The following ROBO1 variants were observed in gnomAD, a reference collection of about 807,000 sequenced individuals.
The protein encoded by ROBO1 is roundabout guidance receptor 1.
A neutral mutation model predicts 195.9 loss-of-function variants in ROBO1; 149 were observed. The ratio of observed to expected loss-of-function variants is 0.76; its 90% CI spans 0.67 to 0.87. ROBO1 has a LOEUF of 0.87. Ranked by LOEUF, ROBO1 falls within the 40% of genes least tolerant of loss-of-function variation. The pLI is 0.00. For missense variants in ROBO1, 1,933 were observed against 2,068.3 expected (o/e 0.93, Z 1.27); for synonymous variants, 816 against 733.2 (o/e 1.11, Z -1.82).
At position 79,287,593 on chromosome 3, in the gene ROBO1, C is replaced by T. The variant is rs534947044; in HGVS notation, c.89-162054G>A. 3.3e-5 allele frequency among the ~76,000 whole-genome samples: 5 copies of T among 152,228 alleles called. No individual in the cohort carries two copies. In the South Asian group the frequency reaches 1.0e-3, roughly 32 times the overall value. On this transcript the variant is annotated intron_variant, in intron 2 of 30. Transcript: ENST00000464233. Reference sequence around the variant, plus strand: ...TATCCCCATCTTCCAGATGGTTCCTCTTCTGTGAATATGATGATGGTGACA... The same window carrying T: ...TATCCCCATCTTCCAGATGGTTCCTTTTCTGTGAATATGATGATGGTGACA...
chr3:79,279,933 A>G (rs944677130), intron 2 of ROBO1, among the ~76,000 whole-genome samples: 5 of 152,248 alleles, frequency 3.3e-5, no homozygotes, highest in African/African-American at 1.2e-4. Context: ...GAATGAAATA[A>G]TATAATTCAT....
At chr3:78,680,665 T>A (rs937322930) in intron 10 of ROBO1, among the ~76,000 whole-genome samples, 2 of 147,532 alleles carry the variant, frequency 1.4e-5, no homozygotes, top group Non-Finnish European at 3.0e-5. Context: ...ATGGCGATCA[T>A]TAAAAAGTCA....
intron 2 of ROBO1, among the ~76,000 whole-genome samples, chr3:79,403,125 C>G (rs2037425047): frequency 1.3e-5 from 2 of 151,866 alleles, no homozygotes; most frequent in African/African-American, 2.4e-5. Context: ...AAAAAACCTC[C>G]CACCCTCTGT....
intron 2 of ROBO1, among the ~76,000 whole-genome samples, chr3:79,578,218 T>G (rs1397979345): frequency 5.9e-5 from 9 of 152,150 alleles, no homozygotes; most frequent in Non-Finnish European, 1.2e-4. Flanking sequence ...AAATGATACA[T>G]AAACAGTTTG....
intron 1 of ROBO1, among the ~76,000 whole-genome samples, chr3:79,711,869 G>A (rs1702287899): frequency 7.9e-6 from 1 of 127,360 alleles, no homozygotes. Flanking sequence ...TATCCGTTAT[G>A]GTAATCTGTG....
intron 3 of ROBO1, among the ~76,000 whole-genome samples, chr3:78,956,427 TGA>T (rs2041052205): frequency 6.6e-6 from 1 of 152,156 alleles, no homozygotes; most frequent in South Asian, 2.1e-4. Flanking sequence ...TAAACTATCT[TGA>T]GAGTGGTGTA....
At chr3:79,144,461 C>T (rs978583109) in intron 2 of ROBO1, among the ~76,000 whole-genome samples, 7 of 152,038 alleles carry the variant, frequency 4.6e-5, no homozygotes, top group Middle Eastern at 6.8e-3. Context: ...CTTTCCCCTT[C>T]TCCTCTCCTT....
At chr3:78,868,333 G>A (rs1297495761) in intron 4 of ROBO1, among the ~76,000 whole-genome samples, 1 of 151,648 alleles carries the variant, frequency 6.6e-6, no homozygotes, top group East Asian at 1.9e-4. Context: ...AAACCTTGGA[G>A]GTCTTAATGA....
chr3:79,046,581 C>A (rs574293260), intron 3 of ROBO1, among the ~76,000 whole-genome samples: 138 of 152,204 alleles, frequency 9.1e-4, no homozygotes, highest in African/African-American at 3.2e-3. Context: ...AACTGAAGAA[C>A]TTGGAGTCCA....
At chr3:79,101,183 G>C (rs1054141141) in intron 3 of ROBO1, among the ~76,000 whole-genome samples, 2 of 151,684 alleles carry the variant, frequency 1.3e-5, no homozygotes, top group East Asian at 3.9e-4. Flanking sequence ...GAACGCTTTG[G>C]AGAATTGAGA....
At chr3:79,390,108 A>G (rs73848873) in intron 2 of ROBO1, among the ~76,000 whole-genome samples, 2,129 of 152,260 alleles carry the variant, frequency 0.014, 40 homozygotes, top group African/African-American at 0.047. Context: ...AAAAAATTCT[A>G]TATTTTTTAA....
At chr3:79,008,306 G>A (rs1281108057) in intron 3 of ROBO1, among the ~76,000 whole-genome samples, 1 of 152,118 alleles carries the variant, frequency 6.6e-6, no homozygotes, top group Non-Finnish European at 1.5e-5. Flanking sequence ...AGGTATGCCT[G>A]AAACATTCCT....
chr3:79,093,427 A>T (rs945058937), intron 3 of ROBO1, among the ~76,000 whole-genome samples: 1 of 152,196 alleles, frequency 6.6e-6, no homozygotes, highest in Non-Finnish European at 1.5e-5. Context: ...GCTTGTCAAT[A>T]AGCACAATTA....
intron 4 of ROBO1, among the ~76,000 whole-genome samples, chr3:78,833,792 A>G (rs558046426): frequency 6.6e-6 from 1 of 152,278 alleles, no homozygotes; most frequent in African/African-American, 2.4e-5. Flanking sequence ...TTCTGAGACT[A>G]CACAGAAAGA....
At chr3:79,315,581 C>T (rs1011498923) in intron 2 of ROBO1, among the ~76,000 whole-genome samples, 1 of 152,006 alleles carries the variant, frequency 6.6e-6, no homozygotes, top group African/African-American at 2.4e-5. Flanking sequence ...GGTGACTCCT[C>T]GATATTTATG....
At chr3:79,645,685 C>A (rs1255769108) in intron 1 of ROBO1, among the ~76,000 whole-genome samples, 1 of 151,968 alleles carries the variant, frequency 6.6e-6, no homozygotes, top group African/African-American at 2.4e-5. Flanking sequence ...GAGCAAAAAG[C>A]AAAACTGGAG....
chr3:78,649,396 A>C (rs974744761), intron 19 of ROBO1, among the ~76,000 whole-genome samples: 12 of 152,088 alleles, frequency 7.9e-5, no homozygotes, highest in Admixed American at 5.9e-4. Context: ...CTGGGTCCCT[A>C]AGTGATGCGG....
At chr3:78,718,643 C>T (rs1022861072) in intron 5 of ROBO1, among the ~76,000 whole-genome samples, 5 of 151,918 alleles carry the variant, frequency 3.3e-5, no homozygotes, top group African/African-American at 4.8e-5. Flanking sequence ...TAATTTAACA[C>T]GCTTTTGGAT....
chr3:79,363,486 T>C (rs1477225848), intron 2 of ROBO1, among the ~76,000 whole-genome samples: 4 of 152,262 alleles, frequency 2.6e-5, no homozygotes, highest in African/African-American at 9.6e-5. Context: ...ACTATCCTTG[T>C]ATTACACATC....
Sources: gnomAD v4.1 joint callset for allele counts (sites outside exome capture counted in the v4.1 genomes callset) on GRCh38, gnomAD v4.1.1 for gene constraint, MANE v1.5 for transcripts, NCBI Gene and HGNC (gene_info 2026-07-23, HGNC 2026-07-21) for gene names.